The following GOLPH3L variants were observed in gnomAD, a reference collection of about 807,000 sequenced individuals.
GOLPH3L encodes golgi phosphoprotein 3 like.
GOLPH3L carries 22 observed loss-of-function variants against 30.3 expected under a neutral mutation model. That is an observed-to-expected ratio of 0.73 (90% confidence interval 0.52 to 1.04). GOLPH3L has a LOEUF of 1.04. Ranked by LOEUF, GOLPH3L falls within the 50% of genes least tolerant of loss-of-function variation. GOLPH3L has a pLI of 0.00. For synonymous variants in GOLPH3L, 120 were observed against 128.2 expected (o/e 0.94, Z 0.43); for missense variants, 303 against 345.8 (o/e 0.88, Z 0.98).
chr1:150,687,488 A>G (rs587694754), intron 2 of GOLPH3L, among the ~76,000 whole-genome samples: 2 of 152,096 alleles, frequency 1.3e-5, no homozygotes, highest in African/African-American at 4.8e-5. Context: ...CTGACACAGG[A>G]GAATTGAACG....
rs192447645 is a variant in GOLPH3L, at chr1:150,694,934, T to A, written c.-12-84A>T. 88 of 716,082 alleles carry A rather than the reference T, an allele frequency of 1.2e-4. No individual in the cohort carries two copies. The East Asian group carries it at 2.1e-3, about 17-fold the overall frequency. 44.4% of individuals were successfully genotyped at this position (716,082 alleles called of 1,614,324 possible). ...TTCATACATGCATACTAAACATCCATACAAATAGGAAATATTTACAGATTT... is the reference window on the plus strand; with the variant it reads ...TTCATACATGCATACTAAACATCCAAACAAATAGGAAATATTTACAGATTT... On this transcript the variant is annotated intron_variant, in intron 1 of 4. Coordinates refer to ENST00000271732, the MANE Select transcript of GOLPH3L (RefSeq NM_018178.6).
chr1:150,692,375 G>C (rs1192008430), intron 2 of GOLPH3L, among the ~76,000 whole-genome samples: 2 of 152,066 alleles, frequency 1.3e-5, no homozygotes, highest in African/African-American at 4.8e-5. Flanking sequence ...TCAAAAGGTG[G>C]TTAATTGTTA....
intron 2 of GOLPH3L, among the ~76,000 whole-genome samples, chr1:150,669,036 C>T (rs1650579502): frequency 6.6e-6 from 1 of 152,138 alleles, no homozygotes; most frequent in South Asian, 2.1e-4. Context: ...TTGAATGTCA[C>T]ACTTTCCTAT....
At chr1:150,661,517 T>C (rs1403400470) in intron 4 of GOLPH3L, among the ~76,000 whole-genome samples, 1 of 152,182 alleles carries the variant, frequency 6.6e-6, no homozygotes. Context: ...CTAATAAGAA[T>C]AATAGACTGC....
chr1:150,669,672 C>T (rs945124507), intron 2 of GOLPH3L, among the ~76,000 whole-genome samples: 15 of 151,910 alleles, frequency 9.9e-5, no homozygotes, highest in African/African-American at 3.1e-4. Context: ...CTTTAATATA[C>T]ATCTGTAGGC....
intron 2 of GOLPH3L, among the ~76,000 whole-genome samples, chr1:150,678,796 A>T (rs982768626): frequency 2.6e-5 from 4 of 152,102 alleles, no homozygotes; most frequent in African/African-American, 9.7e-5. Flanking sequence ...CTCTAGTAAA[A>T]ACACAAAAAT....
At chr1:150,662,695 T>C (rs1408585920) in intron 3 of GOLPH3L, among the ~76,000 whole-genome samples, 2 of 152,158 alleles carry the variant, frequency 1.3e-5, no homozygotes, top group Non-Finnish European at 2.9e-5. Flanking sequence ...AAACAGTGTA[T>C]AGTCAGAGAA....
intron 2 of GOLPH3L, among the ~76,000 whole-genome samples, chr1:150,677,447 A>G (rs987034603): frequency 6.6e-6 from 1 of 151,376 alleles, no homozygotes; most frequent in Non-Finnish European, 1.5e-5. Flanking sequence ...CATGTTGGCC[A>G]GGCTGGTCTT....
At chr1:150,690,323 A>G (rs1361278032) in intron 2 of GOLPH3L, among the ~76,000 whole-genome samples, 4 of 152,122 alleles carry the variant, frequency 2.6e-5, no homozygotes, top group African/African-American at 9.7e-5. Flanking sequence ...ACTGGGTTCT[A>G]AACAGAGGAT....
At chr1:150,695,213 T>A (rs372623669) in intron 1 of GOLPH3L, among the ~76,000 whole-genome samples, 2 of 152,200 alleles carry the variant, frequency 1.3e-5, no homozygotes, top group African/African-American at 4.8e-5. Context: ...GTTGGCTCAC[T>A]GCAACCTCCG....
At chr1:150,658,242 GC>G (rs1273290358) in intron 4 of GOLPH3L, among the ~76,000 whole-genome samples, 1 of 152,218 alleles carries the variant, frequency 6.6e-6, no homozygotes, top group African/African-American at 2.4e-5. Flanking sequence ...AGATCAAGAA[GC>G]TGTCACAGAT....
At position 150,681,145 on chromosome 1, in the gene GOLPH3L, TAA is replaced by T. The variant is rs150380310; in HGVS notation, c.183+13509_183+13510del. On this transcript the variant is annotated intron_variant, in intron 2 of 4. Coordinates refer to ENST00000271732, the MANE Select transcript of GOLPH3L (RefSeq NM_018178.6). Reference sequence around the variant, plus strand: ...AGAGCAAAACTCCGCCTCAAAAAAATAAGTTTTTAAAAATATAATTAGTTAAT... The same window carrying T: ...AGAGCAAAACTCCGCCTCAAAAAAATGTTTTTAAAAATATAATTAGTTAAT... Among the ~76,000 whole-genome samples the T allele has an allele frequency of 8.0e-3, 1,224 of 152,116 alleles. 9 individuals are homozygous for T. The highest frequency in any genetic ancestry group is 0.011 in the Non-Finnish European group (732 of 67,988).
intron 4 of GOLPH3L, among the ~76,000 whole-genome samples, chr1:150,653,666 G>C (rs1392356034): frequency 6.6e-6 from 1 of 151,806 alleles, no homozygotes; most frequent in East Asian, 1.9e-4. Flanking sequence ...CTGTTGACCA[G>C]GCTAGTCTCA....
At chr1:150,653,342 C>T (rs1311231858) in intron 4 of GOLPH3L, among the ~76,000 whole-genome samples, 1 of 146,612 alleles carries the variant, frequency 6.8e-6, no homozygotes, top group Non-Finnish European at 1.5e-5. Context: ...GTCGCCCTGG[C>T]TGGAGTGCAA....
intron 2 of GOLPH3L, among the ~76,000 whole-genome samples, chr1:150,667,603 T>A (rs1650538047): frequency 6.6e-6 from 1 of 150,384 alleles, no homozygotes. Context: ...TTCTTTTTTT[T>A]TTTTTTTTGA....
intron 1 of GOLPH3L, 97 bp downstream of exon 1, chr1:150,696,894 CA>C (rs2101828456): frequency 6.6e-6 from 1 of 152,168 alleles, no homozygotes; most frequent in Non-Finnish European, 1.5e-5. Context: ...CAAATGAATA[CA>C]AACCTTTCCC....
intron 4 of GOLPH3L, among the ~76,000 whole-genome samples, chr1:150,654,675 G>C (rs747167917): frequency 6.6e-6 from 1 of 152,176 alleles, no homozygotes; most frequent in Non-Finnish European, 1.5e-5. Context: ...TGAGGGGCCC[G>C]TCTGGGCCTG....
rs77250372 is a variant in GOLPH3L at position 150,682,594 on chromosome 1, C to T, written c.183+12062G>A. Among the ~76,000 whole-genome samples the T allele has an allele frequency of 5.9e-3, 731 of 123,120 alleles. 5 individuals carry two copies. Among genetic ancestry groups the T allele is most frequent in the Middle Eastern group, 8.1e-3 (1 of 124 alleles). The allele number at this position is 123,120 out of a possible 152,430, so 80.8% of individuals were successfully genotyped here. On this transcript the variant is annotated intron_variant, in intron 2 of 4. Transcript: ENST00000271732. The stretch of plus-strand genomic sequence containing the variant: ...TCAGTGAGCCCTGATAGTGCCACTG[C>T]ACTCCAGTCTTGGTGACAGACTCTT...
At chr1:150,677,202 C>T (rs1424509888) in intron 2 of GOLPH3L, among the ~76,000 whole-genome samples, 1 of 151,978 alleles carries the variant, frequency 6.6e-6, no homozygotes, top group East Asian at 1.9e-4. Flanking sequence ...TCCTGAGTAG[C>T]TGGGATTACA....
Sources: gnomAD v4.1 joint callset for allele counts (sites outside exome capture counted in the v4.1 genomes callset) on GRCh38, gnomAD v4.1.1 for gene constraint, MANE v1.5 for transcripts, NCBI Gene and HGNC (gene_info 2026-07-23, HGNC 2026-07-21) for gene names.